The following ST3GAL2 variants were observed in gnomAD, a reference collection of about 807,000 sequenced individuals.
The protein encoded by ST3GAL2 is CMP-N-acetylneuraminate-beta-galactosamide-alpha-2,3-sialyltransferase 2.
A neutral mutation model predicts 37.5 loss-of-function variants in ST3GAL2; 16 were observed. The ratio of observed to expected loss-of-function variants is 0.43; its 90% CI spans 0.29 to 0.65. The LOEUF (loss-of-function observed/expected upper bound fraction) is 0.65. ST3GAL2 is among the 30% of genes least tolerant of loss of function. The pLI is 0.17. For synonymous variants in ST3GAL2, 238 were observed against 202.9 expected, an observed-to-expected ratio of 1.17 and a Z score of -1.47; for missense variants, 383 against 487.8, an observed-to-expected ratio of 0.79 and a Z score of 2.02.
At chr16:70,384,713 A>C (rs1348743756) in intron 4 of ST3GAL2, among the ~76,000 whole-genome samples, 2 of 149,806 alleles carry the variant, frequency 1.3e-5, no homozygotes, top group African/African-American at 4.9e-5. Flanking sequence ...CTCAAAAAAA[A>C]AAAAAAAAAA....
chr16:70,415,778 T>C (rs76248190), intron 1 of ST3GAL2, among the ~76,000 whole-genome samples: 1 of 144,814 alleles, frequency 6.9e-6, no homozygotes, highest in Non-Finnish European at 1.5e-5. Context: ...TTTTTTTTTT[T>C]TTTTCTTTTC....
intron 1 of ST3GAL2, among the ~76,000 whole-genome samples, chr16:70,427,707 A>G (rs548442275): frequency 5.3e-5 from 8 of 152,198 alleles, no homozygotes; most frequent in Non-Finnish European, 1.0e-4. Flanking sequence ...CTGAAATGTA[A>G]GAGTCATATG....
intron 3 of ST3GAL2, among the ~76,000 whole-genome samples, chr16:70,390,052 C>T (rs1403180428): frequency 1.3e-5 from 2 of 151,918 alleles, no homozygotes; most frequent in African/African-American, 2.4e-5. Flanking sequence ...TCCCAAAGTG[C>T]TGGGATTACA....
intron 1 of ST3GAL2, among the ~76,000 whole-genome samples, chr16:70,419,374 G>C (rs757337077): frequency 2.0e-5 from 3 of 152,234 alleles, no homozygotes; most frequent in African/African-American, 7.2e-5. Flanking sequence ...TACCAGGAAA[G>C]AGGTCACAAT....
chr16:70,410,704 TGTGGC>T (rs2047631837), intron 1 of ST3GAL2, among the ~76,000 whole-genome samples: 1 of 151,980 alleles, frequency 6.6e-6, no homozygotes, highest in Non-Finnish European at 1.5e-5. Context: ...AGAAATTTGG[TGTGGC>T]TTAACAATAA....
chr16:70,433,214 T>A (rs919963687), intron 1 of ST3GAL2, among the ~76,000 whole-genome samples: 2 of 152,036 alleles, frequency 1.3e-5, no homozygotes, highest in African/African-American at 4.8e-5. Context: ...CTAGACTCCG[T>A]CCCCTCTTTT....
chr16:70,381,579 C>G lies in ST3GAL2; in HGVS notation c.*110G>C, dbSNP rs2047405138. The G allele has an allele frequency of 6.7e-6, 9 of 1,339,304 alleles. No homozygotes were observed. The highest frequency in any genetic ancestry group is 9.0e-6 in the Non-Finnish European group (9 of 996,842). The allele number at this position is 1,339,304 out of a possible 1,614,324, so 83.0% of individuals were successfully genotyped here. A position where few individuals can be genotyped will look rare whatever the true frequency, so the allele number is the denominator to read the frequency against. ...CAGTCTCGTGATTGGCGGGGCACAG[C>G]AGACGCCCCTGGGCTGCAGCATGAT... On this transcript the variant is annotated 3_prime_UTR_variant, in exon 7 of 7. Transcript: ENST00000342907.
chr16:70,398,381 C>A lies in ST3GAL2; in HGVS notation c.150G>T (p.Leu50=). ...GCTGCAGGCCGGCATAGCCGGGCACCAGCTTCACCCGGTGCGTCCCATCCA... is the reference window on the plus strand; with the variant it reads ...GCTGCAGGCCGGCATAGCCGGGCACAAGCTTCACCCGGTGCGTCCCATCCA... ...GALDGTHRVK[L]VPGYAGLQRL... The change falls in exon 2 of 7, where the codon CTG becomes CTT. Residue 50 remains leucine, a synonymous_variant. Transcript: ENST00000342907. 1 of 1,613,562 alleles carries A rather than the reference C, an allele frequency of 6.2e-7. No homozygotes were observed. The highest frequency in any genetic ancestry group is 8.5e-7 in the Non-Finnish European group (1 of 1,180,014).
At chr16:70,383,331 A>T in intron 4 of ST3GAL2, 96 bp from the exon 5 acceptor site, 1 of 1,248,344 alleles carries the variant, frequency 8.0e-7, no homozygotes, top group Non-Finnish European at 1.1e-6. Flanking sequence ...CAGGTGGATC[A>T]CCTGAGGCCA....
intron 1 of ST3GAL2, among the ~76,000 whole-genome samples, chr16:70,423,696 G>C (rs550957492): frequency 7.4e-6 from 1 of 135,846 alleles, no homozygotes; most frequent in African/African-American, 3.2e-5. Flanking sequence ...TTTTTTTTGA[G>C]ATGGAGTTTC....
At chr16:70,401,838 C>G (rs1008082387) in intron 1 of ST3GAL2, among the ~76,000 whole-genome samples, 1 of 151,692 alleles carries the variant, frequency 6.6e-6, no homozygotes. Context: ...ACTAAAAATA[C>G]AAAAAATCAG....
chr16:70,412,350 C>G (rs982511140), intron 1 of ST3GAL2, among the ~76,000 whole-genome samples: 2 of 152,148 alleles, frequency 1.3e-5, no homozygotes, highest in Non-Finnish European at 2.9e-5. Flanking sequence ...TAGTTTTTAA[C>G]TCTCTTGGTC....
chr16:70,426,043 C>A (rs914451107), intron 1 of ST3GAL2, among the ~76,000 whole-genome samples: 3 of 152,182 alleles, frequency 2.0e-5, no homozygotes, highest in Non-Finnish European at 4.4e-5. Context: ...GGGTGCCATG[C>A]CTTTTGCTGT....
chr16:70,389,851 A>G (rs1181413965), intron 3 of ST3GAL2, among the ~76,000 whole-genome samples: 2 of 151,070 alleles, frequency 1.3e-5, no homozygotes, highest in South Asian at 2.1e-4. Flanking sequence ...CAGTGTCACA[A>G]TCTCGGCTCA....
rs1454729972 is a variant in ST3GAL2, at chr16:70,431,985, A to ATATATATATATTT, written c.-1004+6963_-1004+6964insAAATATATATATA. On this transcript the variant is annotated intron_variant, in intron 1 of 6. Transcript: ENST00000342907. ...TCTTAAAAAAAATATATATATATAT[A>ATATATATATATTT]TTTTTTTTTAACTTAGCTGGGCACA... Among the ~76,000 whole-genome samples, 274 of 139,042 alleles carry ATATATATATATTT rather than the reference A, an allele frequency of 2.0e-3. 2 individuals are homozygous for ATATATATATATTT. Among genetic ancestry groups the ATATATATATATTT allele is most frequent in the African/African-American group, 8.2e-3 (258 of 31,368 alleles). 91.2% of individuals were successfully genotyped at this position (139,042 alleles called of 152,430 possible).
chr16:70,381,548 G>A lies in ST3GAL2; in HGVS notation c.*141C>T, dbSNP rs567893602. On this transcript the variant is annotated 3_prime_UTR_variant, in exon 7 of 7. Transcript: ENST00000342907. ...CGCAGATTGGTGCCAGGCCCGGCCG[G>A]TCCCCCAGTCTCGTGATTGGCGGGG... is the stretch of plus-strand genomic sequence containing the variant. The A allele has an allele frequency of 7.9e-5, 81 of 1,021,612 alleles. No individual in the cohort carries two copies. In the African/African-American group the frequency reaches 9.4e-4, roughly 12 times the overall value. The allele number at this position is 1,021,612 out of a possible 1,614,324, so 63.3% of individuals were successfully genotyped here.
intron 1 of ST3GAL2, among the ~76,000 whole-genome samples, chr16:70,431,017 G>T (rs1335911475): frequency 1.3e-4 from 19 of 151,856 alleles, no homozygotes; most frequent in Non-Finnish European, 2.8e-4. Flanking sequence ...GACTTACAGG[G>T]CAGGGGAGAT....
intron 1 of ST3GAL2, among the ~76,000 whole-genome samples, chr16:70,401,990 G>A (rs1376227449): frequency 3.8e-5 from 3 of 79,588 alleles, no homozygotes; most frequent in Non-Finnish European, 7.0e-5. Flanking sequence ...GCAAAACTCT[G>A]CCTCAAAAAA....
At chr16:70,405,490 G>A (rs1197278437) in intron 1 of ST3GAL2, among the ~76,000 whole-genome samples, 1 of 143,260 alleles carries the variant, frequency 7.0e-6, no homozygotes, top group Non-Finnish European at 1.5e-5. Context: ...GCAGTGAGCC[G>A]AGATTGCGCC....
Sources: allele counts gnomAD v4.1 joint callset (sites outside exome capture counted in the v4.1 genomes callset), GRCh38; gene constraint gnomAD v4.1.1; transcripts MANE v1.5; gene names NCBI Gene and HGNC (gene_info 2026-07-23, HGNC 2026-07-21).